Variants in GLRA2 observed in about 807,000 individuals in gnomAD.
GLRA2 encodes glycine receptor subunit alpha-2.
Under a neutral mutation model 31.6 loss-of-function variants are expected in GLRA2, and 11 were observed. That is an observed-to-expected ratio of 0.35 (90% CI 0.22 to 0.58). The LOEUF is 0.58. Ranked by LOEUF, GLRA2 falls within the 20% of genes least tolerant of loss-of-function variation. The probability of loss-of-function intolerance (pLI) is 0.84; values close to 1 mark genes in which losing one functional copy is unlikely to be tolerated. For missense variants in GLRA2, 212 were observed against 351.8 expected (o/e 0.60, Z 3.18); for synonymous variants, 132 against 134.0 (o/e 0.99, Z 0.10).
chrX:14,465,450 T>C, the GLRA2 span, among the ~76,000 whole-genome samples: 1 of 112,528 alleles, frequency 8.9e-6, no homozygotes, highest in Middle Eastern at 4.6e-3. Context: ...TATTTATATC[T>C]CTTGCTTAAT....
At chrX:14,596,412 G>A (rs1475228593) in intron 4 of GLRA2, among the ~76,000 whole-genome samples, 1 of 110,661 alleles carries the variant, frequency 9.0e-6, no homozygotes, top group South Asian at 3.9e-4. Context: ...TGGCTTCACT[G>A]CCCTGACTTA....
chrX:14,659,636 G>A (rs928853723), intron 7 of GLRA2, among the ~76,000 whole-genome samples: 5 of 110,786 alleles, frequency 4.5e-5, no homozygotes, highest in African/African-American at 1.6e-4. Context: ...GCAGAGAGAA[G>A]AGCCATTTTA....
At chrX:14,520,466 A>G in the GLRA2 span, among the ~76,000 whole-genome samples, 1 of 112,735 alleles carries the variant, frequency 8.9e-6, no homozygotes, top group Non-Finnish European at 1.9e-5. Context: ...ACATTAGCCA[A>G]CAGGGAAGCA....
At chrX:14,709,586 T>C (rs1418465560) in intron 8 of GLRA2, among the ~76,000 whole-genome samples, 2 of 112,423 alleles carry the variant, frequency 1.8e-5, no homozygotes, top group African/African-American at 6.5e-5. Flanking sequence ...TATAAGAAGC[T>C]ATAAGCGACA....
intron 8 of GLRA2, among the ~76,000 whole-genome samples, chrX:14,707,055 G>A (rs2091633608): frequency 1.8e-5 from 2 of 111,637 alleles, no homozygotes; most frequent in Admixed American, 1.9e-4. Flanking sequence ...CTGTCTTAAA[G>A]TCAGCCTTCT....
chrX:14,574,372 G>C lies in GLRA2; in HGVS notation c.242G>C (p.Ser81Thr). 1 of 1,197,370 alleles carries C rather than the reference G, an allele frequency of 8.4e-7. No individual in the cohort carries two copies. The highest frequency in any genetic ancestry group is 1.1e-6 in the Non-Finnish European group (1 of 882,536). ...VNVTCNIFINSFGSVTETTMD... is the reference protein window; with the variant it reads ...VNVTCNIFINTFGSVTETTMD... Reference sequence around the variant, plus strand: ...GTTACTTGCAATATTTTTATCAACAGTTTTGGATCAGTCACAGAAACGACC... The same window carrying C: ...GTTACTTGCAATATTTTTATCAACACTTTTGGATCAGTCACAGAAACGACC... Residue 81 changes from serine (S) to threonine (T), a missense_variant, in exon 3 of 9, where the codon AGT becomes ACT. Coordinates refer to ENST00000218075, the MANE Select transcript of GLRA2 (RefSeq NM_002063.4).
rs1318978886 is a variant in GLRA2 at position 14,731,088 on chromosome X, G to A, written c.*603G>A. 8.9e-6 allele frequency: 1 copy of A among 111,954 alleles called. No homozygotes were observed. The highest frequency in any genetic ancestry group is 1.9e-5 in the Non-Finnish European group (1 of 53,213). The allele number at this position is 111,954 out of a possible 1,213,427, so 9.2% of individuals were successfully genotyped here. ...GTTCTTTACAATGTCTGTAATTAGT[G>A]TTTCACTTGAGAAAGCCTTTTGTGG... On this transcript the variant is annotated 3_prime_UTR_variant, in exon 9 of 9. Transcript: ENST00000218075.
chrX:14,546,454 G>A (rs1054981516), intron 2 of GLRA2, among the ~76,000 whole-genome samples: 1 of 111,292 alleles, frequency 9.0e-6, no homozygotes, highest in Non-Finnish European at 1.9e-5. Flanking sequence ...TCCGCAGAGT[G>A]TATGAATTTG....
At chrX:14,513,780 G>T in the GLRA2 span, among the ~76,000 whole-genome samples, 1 of 111,784 alleles carries the variant, frequency 8.9e-6, no homozygotes, top group African/African-American at 3.2e-5. Flanking sequence ...TGTTGGCATG[G>T]ATGTGGTGAA....
intron 2 of GLRA2, among the ~76,000 whole-genome samples, chrX:14,573,555 G>A (rs901702506): frequency 4.5e-5 from 5 of 110,926 alleles, no homozygotes; most frequent in Non-Finnish European, 9.4e-5. Context: ...AAAATGTGAA[G>A]CAGAGAATCA....
At chrX:14,554,214 G>A (rs1383482971) in intron 2 of GLRA2, among the ~76,000 whole-genome samples, 1 of 112,050 alleles carries the variant, frequency 8.9e-6, no homozygotes, top group Non-Finnish European at 1.9e-5. Flanking sequence ...GAAGGCGGCT[G>A]TCCTAGTTGT....
At chrX:14,601,359 GAT>G (rs753986858) in intron 4 of GLRA2, among the ~76,000 whole-genome samples, 36 of 111,566 alleles carry the variant, frequency 3.2e-4, no homozygotes, top group African/African-American at 1.2e-3. Flanking sequence ...TAATAATCAT[GAT>G]ATGATTGTAA....
At chrX:14,659,126 T>C in intron 7 of GLRA2, among the ~76,000 whole-genome samples, 1 of 112,498 alleles carries the variant, frequency 8.9e-6, no homozygotes, top group Non-Finnish European at 1.9e-5. Flanking sequence ...TACCTGTTTT[T>C]GCAAATAAAG....
chrX:14,530,229 A>G, intron 1 of GLRA2, 104 bp downstream of exon 1: 1 of 530,497 alleles, frequency 1.9e-6, no homozygotes, highest in South Asian at 3.0e-5. Context: ...TTTTAATTTT[A>G]TAGAGGAAAG....
At chrX:14,605,482 G>GA (rs1312176558) in intron 5 of GLRA2, among the ~76,000 whole-genome samples, 1 of 111,065 alleles carries the variant, frequency 9.0e-6, no homozygotes, top group African/African-American at 3.3e-5. Context: ...CTTCTCTTGA[G>GA]AAAAAAGCTG....
At chrX:14,574,671 C>T (rs1042193621) in intron 3 of GLRA2, 6 of 562,579 alleles carry the variant, frequency 1.1e-5, no homozygotes, top group Non-Finnish European at 1.9e-5. Context: ...CAACTTTGCT[C>T]GCCTCTGAAA....
chrX:14,466,770 T>G, the GLRA2 span, among the ~76,000 whole-genome samples: 4 of 112,295 alleles, frequency 3.6e-5, no homozygotes, highest in African/African-American at 1.3e-4. Context: ...TTTTCCTGTT[T>G]ACATCAAGGG....
chrX:14,458,910 T>C, the GLRA2 span, among the ~76,000 whole-genome samples: 12 of 111,821 alleles, frequency 1.1e-4, no homozygotes, highest in Non-Finnish European at 3.8e-5. Context: ...GCTTTTGTTG[T>C]CATTGCTTTT....
the GLRA2 span, among the ~76,000 whole-genome samples, chrX:14,501,076 A>G: frequency 3.6e-5 from 4 of 110,102 alleles, no homozygotes; most frequent in Non-Finnish European, 5.7e-5. Context: ...AAGTAGTAAA[A>G]AAAAAAAAAA....
Sources: gnomAD v4.1 joint callset for allele counts (sites outside exome capture counted in the v4.1 genomes callset) on GRCh38, gnomAD v4.1.1 for gene constraint, MANE v1.5 for transcripts, NCBI Gene and HGNC (gene_info 2026-07-23, HGNC 2026-07-21) for gene names.